Variants in SDK1 observed in about 807,000 individuals in gnomAD.
SDK1 encodes protein sidekick-1.
Under a neutral mutation model 245.5 loss-of-function variants are expected in SDK1, and 157 were observed. The observed-to-expected ratio is 0.64, with a 90% CI of 0.56 to 0.73. The LOEUF (loss-of-function observed/expected upper bound fraction) is 0.73, where lower values mean the gene tolerates loss of function less well. SDK1 is among the 30% of genes least tolerant of loss of function. SDK1 has a pLI of 0.00. For synonymous variants in SDK1, 1,647 were observed against 1,278.5 expected, an observed-to-expected ratio of 1.29 and a Z score of -6.15; for missense variants, 3,583 against 3,002.3, an observed-to-expected ratio of 1.19 and a Z score of -4.52.
Position 4,101,149 on chromosome 7 carries a change from AT to A in SDK1, c.3325-9497del, listed in dbSNP as rs376555352. On this transcript the variant is annotated intron_variant, in intron 22 of 44. Transcript: ENST00000404826. ...GTTTTAAGGTAGCAAGGACACTTGC[AT>A]TTTTTTTTTTTTTTTTGAGACGGAG... 7.8e-3 allele frequency among the ~76,000 whole-genome samples: 1,072 copies of A among 137,624 alleles called. 15 individuals are homozygous for A. The highest frequency in any genetic ancestry group is 0.021 in the African/African-American group (775 of 37,358). The allele number at this position is 137,624 out of a possible 152,430, so 90.3% of individuals were successfully genotyped here. A position where few individuals can be genotyped will look rare whatever the true frequency, so the allele number is the denominator to read the frequency against.
At chr7:3,463,550 A>G (rs1384567474) in intron 1 of SDK1, among the ~76,000 whole-genome samples, 1 of 152,194 alleles carries the variant, frequency 6.6e-6, no homozygotes, top group Admixed American at 6.5e-5. Context: ...ATTTAGTGCC[A>G]GTAAATGGGA....
intron 14 of SDK1, among the ~76,000 whole-genome samples, chr7:4,008,864 T>C (rs1030194346): frequency 6.6e-6 from 1 of 152,240 alleles, no homozygotes; most frequent in Non-Finnish European, 1.5e-5. Context: ...AACCCAGGTA[T>C]GCACATATCT....
chr7:3,351,952 T>A (rs562981702), intron 1 of SDK1, among the ~76,000 whole-genome samples: 2 of 152,152 alleles, frequency 1.3e-5, no homozygotes, highest in African/African-American at 4.8e-5. Flanking sequence ...ACATGGAGCA[T>A]CTGACATTGA....
At chr7:3,757,435 C>T (rs1423577307) in intron 4 of SDK1, among the ~76,000 whole-genome samples, 1 of 152,126 alleles carries the variant, frequency 6.6e-6, no homozygotes, top group Non-Finnish European at 1.5e-5. Flanking sequence ...TGGGGTCTCA[C>T]TGTGTTGCCT....
chr7:3,462,079 C>T (rs556822183), intron 1 of SDK1, among the ~76,000 whole-genome samples: 4 of 152,246 alleles, frequency 2.6e-5, no homozygotes, highest in South Asian at 2.1e-4. Context: ...GTTGTCTGCT[C>T]GCTGCCTCAG....
intron 2 of SDK1, among the ~76,000 whole-genome samples, chr7:3,624,041 T>C (rs1782031435): frequency 6.6e-6 from 1 of 152,190 alleles, no homozygotes; most frequent in Admixed American, 6.5e-5. Context: ...ATAAGTTTTA[T>C]AAGAAATGAG....
intron 4 of SDK1, among the ~76,000 whole-genome samples, chr7:3,702,504 C>T (rs1278943667): frequency 6.6e-6 from 1 of 152,118 alleles, no homozygotes; most frequent in Non-Finnish European, 1.5e-5. Context: ...ACATTAGGGC[C>T]GGATAGCATT....
intron 4 of SDK1, among the ~76,000 whole-genome samples, chr7:3,688,806 C>T (rs967430894): frequency 1.6e-4 from 24 of 152,192 alleles, no homozygotes; most frequent in African/African-American, 5.5e-4. Flanking sequence ...TGGATCCTGC[C>T]TCCATTCTGA....
At chr7:4,111,667 AAG>A (rs1783360202) in intron 23 of SDK1, among the ~76,000 whole-genome samples, 1 of 152,228 alleles carries the variant, frequency 6.6e-6, no homozygotes, top group South Asian at 2.1e-4. Flanking sequence ...GTTGGGATTC[AAG>A]ACTTACCATG....
chr7:3,777,827 A>C (rs181999515), intron 4 of SDK1, among the ~76,000 whole-genome samples: 1 of 152,336 alleles, frequency 6.6e-6, no homozygotes, highest in East Asian at 1.9e-4. Context: ...TAGAGACTTT[A>C]CAGAAAGTCG....
intron 1 of SDK1, among the ~76,000 whole-genome samples, chr7:3,495,736 C>T (rs1159651883): frequency 6.6e-6 from 1 of 152,238 alleles, no homozygotes; most frequent in Non-Finnish European, 1.5e-5. Context: ...TCTCCACATG[C>T]CACGAGGCGA....
At chr7:4,131,444 G>C (rs1784811326) in intron 27 of SDK1, among the ~76,000 whole-genome samples, 1 of 152,212 alleles carries the variant, frequency 6.6e-6, no homozygotes, top group Non-Finnish European at 1.5e-5. Flanking sequence ...CCCCAAAATA[G>C]GCGTCATAAC....
At chr7:3,600,950 C>A (rs963236621) in intron 1 of SDK1, among the ~76,000 whole-genome samples, 2 of 152,116 alleles carry the variant, frequency 1.3e-5, no homozygotes, top group African/African-American at 4.8e-5. Context: ...TGTATTTTGT[C>A]AAATGCTTTT....
chr7:3,749,756 C>T (rs1779724701), intron 4 of SDK1, among the ~76,000 whole-genome samples: 1 of 152,178 alleles, frequency 6.6e-6, no homozygotes, highest in Admixed American at 6.5e-5. Flanking sequence ...GGCTGGCATT[C>T]TAGTGTTCTG....
chr7:3,430,260 T>C (rs1221783177), intron 1 of SDK1, among the ~76,000 whole-genome samples: 1 of 152,220 alleles, frequency 6.6e-6, no homozygotes, highest in African/African-American at 2.4e-5. Flanking sequence ...AGGTGCAGTT[T>C]CTCTGACCAT....
intron 35 of SDK1, among the ~76,000 whole-genome samples, chr7:4,195,654 C>T (rs1278649903): frequency 6.6e-6 from 1 of 152,156 alleles, no homozygotes; most frequent in Non-Finnish European, 1.5e-5. Context: ...GCCAGAATGC[C>T]CAGGTCTGGC....
At chr7:4,147,800 C>G (rs1380983254) in intron 29 of SDK1, among the ~76,000 whole-genome samples, 1 of 152,098 alleles carries the variant, frequency 6.6e-6, no homozygotes, top group African/African-American at 2.4e-5. Flanking sequence ...GGTAATGGCT[C>G]CCAAGCAAAC....
At chr7:3,376,798 TAAAA>T (rs145450654) in intron 1 of SDK1, among the ~76,000 whole-genome samples, 1 of 151,874 alleles carries the variant, frequency 6.6e-6, no homozygotes, top group African/African-American at 2.4e-5. Context: ...TGTATACTGT[TAAAA>T]AAAAATCCCG....
intron 40 of SDK1, among the ~76,000 whole-genome samples, chr7:4,224,632 G>T (rs7781569): frequency 6.6e-6 from 1 of 151,738 alleles, no homozygotes; most frequent in African/African-American, 2.4e-5. Context: ...TTCAATTTTA[G>T]TTTATATATC....
Sources: gnomAD v4.1 joint callset for allele counts (sites outside exome capture counted in the v4.1 genomes callset) on GRCh38, gnomAD v4.1.1 for gene constraint, MANE v1.5 for transcripts, NCBI Gene and HGNC (gene_info 2026-07-23, HGNC 2026-07-21) for gene names.